The following LPCAT2 variants were observed in gnomAD, a reference collection of about 807,000 sequenced individuals.
LPCAT2 encodes the protein lysophosphatidylcholine acyltransferase 2.
In LPCAT2, 58 loss-of-function variants were observed where a neutral mutation model predicts 64.7. The observed-to-expected ratio is 0.90, with a 90% CI of 0.73 to 1.12. The LOEUF (loss-of-function observed/expected upper bound fraction) is 1.12, where lower values mean the gene tolerates loss of function less well. LPCAT2 is among the 50% of genes most tolerant of loss of function. The pLI is 0.00. For missense variants in LPCAT2, 579 were observed against 669.8 expected (o/e 0.86, Z 1.50); for synonymous variants, 252 against 245.3 (o/e 1.03, Z -0.26).
chr16:55,560,682 G>A (rs1190575640), intron 11 of LPCAT2, among the ~76,000 whole-genome samples: 1 of 152,030 alleles, frequency 6.6e-6, no homozygotes, highest in African/African-American at 2.4e-5. Flanking sequence ...TCATTTTGCA[G>A]AAGATTGCCA....
intron 12 of LPCAT2, among the ~76,000 whole-genome samples, chr16:55,576,191 T>G (rs1370884152): frequency 6.6e-6 from 1 of 151,832 alleles, no homozygotes; most frequent in Non-Finnish European, 1.5e-5. Flanking sequence ...TTAGCTTTTT[T>G]TTTTTTTCAG....
intron 4 of LPCAT2, 30 bp downstream of exon 4, chr16:55,529,977 T>A: frequency 6.7e-7 from 1 of 1,493,294 alleles, no homozygotes; most frequent in Non-Finnish European, 9.2e-7. Context: ...AATTTAAATA[T>A]AGTGGGAGTT....
chr16:55,556,140 G>A (rs538602183), intron 11 of LPCAT2, among the ~76,000 whole-genome samples: 5 of 152,214 alleles, frequency 3.3e-5, no homozygotes, highest in South Asian at 2.1e-4. Flanking sequence ...ATGTAACTGC[G>A]CAAGTTGGAA....
rs1963159250 is a variant in LPCAT2, at chr16:55,525,598, A to G, written c.262A>G (p.Thr88Ala). 1.9e-6 allele frequency: 3 copies of G among 1,612,442 alleles called. No homozygotes were observed. Among genetic ancestry groups the G allele is most frequent in the Admixed American group, 1.7e-5 (1 of 59,772 alleles). The change falls in exon 2 of 14, where the codon ACA (threonine) becomes GCA (alanine). Residue 88 changes from threonine (T) to alanine (A), a missense_variant. Coordinates refer to ENST00000262134, the MANE Select transcript of LPCAT2 (RefSeq NM_017839.5). The part of the protein sequence containing the change: ...LLAWPFAAIS[T>A]VCCPEKLTHP... ...TGCATGGCCATTTGCTGCAATTTCA[A>G]CAGTATGCTGTCCTGAAAAGCTGAC...
At chr16:55,535,805 A>G (rs1963316034) in intron 7 of LPCAT2, among the ~76,000 whole-genome samples, 1 of 152,150 alleles carries the variant, frequency 6.6e-6, no homozygotes, top group African/African-American at 2.4e-5. Flanking sequence ...GATGTGGCCA[A>G]TAGGACTTTT....
At chr16:55,567,653 T>C in intron 11 of LPCAT2, 1 of 756,990 alleles carries the variant, frequency 1.3e-6, no homozygotes, top group South Asian at 1.9e-5. Context: ...GTGCTGCCTT[T>C]TACTGCTGAA....
At chr16:55,525,737 C>A in intron 2 of LPCAT2, 90 bp downstream of exon 2, 1 of 966,678 alleles carries the variant, frequency 1.0e-6, no homozygotes, top group South Asian at 3.4e-5. Flanking sequence ...ATAGTTTAGT[C>A]AGTGATCTAA....
chr16:55,528,268 C>T (rs773436683), intron 2 of LPCAT2, 109 bp from the exon 3 acceptor site: 1 of 770,066 alleles, frequency 1.3e-6, no homozygotes, highest in East Asian at 2.7e-5. Context: ...CTCATATTTT[C>T]ATATGAAATA....
chr16:55,513,435 G>A (rs927302590), intron 1 of LPCAT2, among the ~76,000 whole-genome samples: 1 of 150,868 alleles, frequency 6.6e-6, no homozygotes, highest in African/African-American at 2.4e-5. Flanking sequence ...AAAGCAGAAT[G>A]AAAAAAACTG....
At chr16:55,570,042 T>C (rs1344328692) in intron 11 of LPCAT2, among the ~76,000 whole-genome samples, 2 of 152,176 alleles carry the variant, frequency 1.3e-5, no homozygotes, top group East Asian at 1.9e-4. Flanking sequence ...TCAATGTAAA[T>C]TGAAAATCAT....
intron 9 of LPCAT2, among the ~76,000 whole-genome samples, chr16:55,546,557 T>C (rs1204237838): frequency 4.6e-5 from 7 of 152,204 alleles, no homozygotes; most frequent in African/African-American, 1.7e-4. Flanking sequence ...TGAATTTAGC[T>C]TTATAGCCAG....
intron 12 of LPCAT2, among the ~76,000 whole-genome samples, chr16:55,576,781 GTTTACCTT>G (rs1963832512): frequency 6.6e-6 from 1 of 152,170 alleles, no homozygotes; most frequent in Admixed American, 6.6e-5. Flanking sequence ...CATGCATGGG[GTTTACCTT>G]AGATCTAGGA....
At chr16:55,551,184 C>T in intron 11 of LPCAT2, 82 bp downstream of exon 11, 4 of 1,280,446 alleles carry the variant, frequency 3.1e-6, no homozygotes, top group South Asian at 1.7e-5. Context: ...ATTTGAAAAA[C>T]TTGATAGGTC....
intron 2 of LPCAT2, 78 bp from the exon 3 acceptor site, chr16:55,528,299 C>T (rs941398007): frequency 6.1e-5 from 68 of 1,107,248 alleles, no homozygotes; most frequent in Non-Finnish European, 8.6e-5. Flanking sequence ...TTTTGGTTTT[C>T]TTATTGTATT....
intron 1 of LPCAT2, among the ~76,000 whole-genome samples, chr16:55,512,049 C>T (rs1420809668): frequency 6.6e-6 from 1 of 152,156 alleles, no homozygotes; most frequent in Non-Finnish European, 1.5e-5. Flanking sequence ...ATAAATATAA[C>T]ATTAGCTAAA....
intron 11 of LPCAT2, among the ~76,000 whole-genome samples, chr16:55,552,510 C>T (rs1467873779): frequency 6.6e-6 from 1 of 151,998 alleles, no homozygotes; most frequent in African/African-American, 2.4e-5. Context: ...TTGAGAATTA[C>T]CTTGTTTTGC....
At chr16:55,544,809 T>C (rs1261658432) in intron 8 of LPCAT2, among the ~76,000 whole-genome samples, 1 of 152,050 alleles carries the variant, frequency 6.6e-6, no homozygotes, top group African/African-American at 2.4e-5. Context: ...GTGGAGAAAA[T>C]AAGGGTTTTT....
At position 55,586,113 on chromosome 16, in the gene LPCAT2, A is replaced by G. The variant is rs1451460848; in HGVS notation, c.*3015A>G. 1 of 149,990 alleles carries G rather than the reference A, an allele frequency of 6.7e-6. No individual in the cohort carries two copies. Among genetic ancestry groups the G allele is most frequent in the East Asian group, 2.0e-4 (1 of 5,056 alleles). The allele number at this position is 149,990 out of a possible 1,614,324, so 9.3% of individuals were successfully genotyped here. A position where few individuals can be genotyped will look rare whatever the true frequency, so the allele number is the denominator to read the frequency against. On this transcript the variant is annotated 3_prime_UTR_variant, in exon 14 of 14. Transcript: ENST00000262134. Reference sequence around the variant, plus strand: ...GAACTCAATTTTATGTTAAATTGTTATATCAGAGTGACAAATAAGTGCTAT... The same window carrying G: ...GAACTCAATTTTATGTTAAATTGTTGTATCAGAGTGACAAATAAGTGCTAT...
intron 1 of LPCAT2, among the ~76,000 whole-genome samples, chr16:55,513,981 T>C (rs148009439): frequency 9.9e-4 from 151 of 152,218 alleles, no homozygotes; most frequent in African/African-American, 3.5e-3. Flanking sequence ...TGTGAGAGGA[T>C]TGCTTGAGAC....
Sources: allele counts gnomAD v4.1 joint callset (sites outside exome capture counted in the v4.1 genomes callset), GRCh38; gene constraint gnomAD v4.1.1; transcripts MANE v1.5; gene names NCBI Gene and HGNC (gene_info 2026-07-23, HGNC 2026-07-21).